Variants in NMNAT1 observed in about 807,000 individuals in gnomAD.
NMNAT1 encodes the protein nicotinamide nucleotide adenylyltransferase 1.
A neutral mutation model predicts 16.7 loss-of-function variants in NMNAT1; 11 were observed. That is an observed-to-expected ratio of 0.66 (90% confidence interval 0.41 to 1.09). NMNAT1 has a LOEUF of 1.09. Ranked by LOEUF, NMNAT1 falls within the 50% of genes least tolerant of loss-of-function variation. NMNAT1 has a pLI of 0.00. For missense variants in NMNAT1, 280 were observed against 332.3 expected, an observed-to-expected ratio of 0.84 and a Z score of 1.22; for synonymous variants, 110 against 119.8, an observed-to-expected ratio of 0.92 and a Z score of 0.53.
intron 1 of NMNAT1, among the ~76,000 whole-genome samples, chr1:9,944,538 A>G (rs1407426146): frequency 6.6e-6 from 1 of 152,172 alleles, no homozygotes; most frequent in Non-Finnish European, 1.5e-5. Context: ...GTCTTGTTAA[A>G]AAACAAGAGC....
intron 4 of NMNAT1, 152 bp downstream of exon 4, chr1:9,981,322 C>T (rs1310827077): frequency 4.0e-6 from 5 of 1,259,730 alleles, no homozygotes; most frequent in East Asian, 6.0e-5. Flanking sequence ...GCAAGCTCTG[C>T]CTCCTGGGTT....
chr1:9,980,656 CT>C (rs942565231), intron 3 of NMNAT1, among the ~76,000 whole-genome samples: 27 of 148,182 alleles, frequency 1.8e-4, no homozygotes, highest in African/African-American at 9.9e-5. Flanking sequence ...TAATGATATT[CT>C]TTTTTTTTTC....
At position 9,956,073 on chromosome 1, in the gene NMNAT1, A is replaced by G. The variant is rs555832835; in HGVS notation, c.-57+12558A>G. 6.6e-5 allele frequency among the ~76,000 whole-genome samples: 10 copies of G among 152,202 alleles called. No homozygotes were observed. In the South Asian group the frequency reaches 2.1e-3, roughly 32 times the overall value. ...TCTTGAGAACCTTGGTTCCTTTACC[A>G]TGACTGTAAATAAATGCTACAAAAT... On this transcript the variant is annotated intron_variant, in intron 1 of 4. Coordinates refer to ENST00000377205, the MANE Select transcript of NMNAT1 (RefSeq NM_022787.4).
chr1:9,953,626 A>G (rs1177023355), intron 1 of NMNAT1, among the ~76,000 whole-genome samples: 1 of 151,414 alleles, frequency 6.6e-6, no homozygotes, highest in African/African-American at 2.4e-5. Context: ...TTTTTAGTAG[A>G]GACAGAGTTT....
chr1:9,978,121 C>G (rs1641855737), intron 3 of NMNAT1, among the ~76,000 whole-genome samples: 1 of 152,162 alleles, frequency 6.6e-6, no homozygotes, highest in Admixed American at 6.5e-5. Context: ...CTTTGGGAGG[C>G]CGAGGTGGGT....
downstream of NMNAT1, chr1:9,985,647 T>TTGTGTG (rs928020941): frequency 6.6e-6 from 1 of 151,704 alleles, no homozygotes; most frequent in Non-Finnish European, 1.5e-5. Flanking sequence ...ACTTTTGTGT[T>TTGTGTG]TGTGTGTGTG....
intron 1 of NMNAT1, among the ~76,000 whole-genome samples, chr1:9,963,826 T>G (rs1391692616): frequency 1.3e-5 from 2 of 152,220 alleles, no homozygotes; most frequent in Non-Finnish European, 2.9e-5. Flanking sequence ...TGGAACATGC[T>G]AATTGCTTTT....
At chr1:9,944,366 A>C (rs1640914594) in intron 1 of NMNAT1, among the ~76,000 whole-genome samples, 1 of 152,162 alleles carries the variant, frequency 6.6e-6, no homozygotes, top group Non-Finnish European at 1.5e-5. Context: ...TGGGCAACAT[A>C]GCAAGACCCT....
At chr1:9,946,110 T>C (rs114696682) in intron 1 of NMNAT1, among the ~76,000 whole-genome samples, 111 of 152,330 alleles carry the variant, frequency 7.3e-4, no homozygotes, top group African/African-American at 2.2e-3. Flanking sequence ...TGTGTAGTTT[T>C]AGCGTGTGCA....
At chr1:9,953,369 C>G (rs1458973297) in intron 1 of NMNAT1, among the ~76,000 whole-genome samples, 3 of 151,582 alleles carry the variant, frequency 2.0e-5, no homozygotes, top group Non-Finnish European at 4.4e-5. Context: ...CTCTGCCTCC[C>G]AGGCTCAAGT....
chr1:9,961,133 G>C (rs1641396670), intron 1 of NMNAT1, among the ~76,000 whole-genome samples: 1 of 152,164 alleles, frequency 6.6e-6, no homozygotes, highest in African/African-American at 2.4e-5. Flanking sequence ...GAGAAAGACA[G>C]CTTCCTTTAT....
chr1:9,949,245 C>T (rs1395890942), intron 1 of NMNAT1, among the ~76,000 whole-genome samples: 1 of 149,450 alleles, frequency 6.7e-6, no homozygotes, highest in Non-Finnish European at 1.5e-5. Flanking sequence ...CCGGCCTGGG[C>T]AACAGACCAG....
At chr1:9,990,186 G>A (rs1465503293), downstream of NMNAT1, among the ~76,000 whole-genome samples, 2 of 152,158 alleles carry the variant, frequency 1.3e-5, no homozygotes, top group South Asian at 2.1e-4. Flanking sequence ...ATCTAAACAC[G>A]GACATCTATA....
chr1:9,991,821 A>C, the NMNAT1 span, among the ~76,000 whole-genome samples: 2 of 152,156 alleles, frequency 1.3e-5, no homozygotes, highest in African/African-American at 2.4e-5. Flanking sequence ...GGCTGTTCTG[A>C]GAAGATGGCT....
chr1:9,946,453 G>C (rs1037529185), intron 1 of NMNAT1, among the ~76,000 whole-genome samples: 2 of 152,214 alleles, frequency 1.3e-5, no homozygotes, highest in African/African-American at 4.8e-5. Flanking sequence ...GGACACTTCA[G>C]CTTGGTCTTG....
intron 1 of NMNAT1, among the ~76,000 whole-genome samples, chr1:9,963,573 C>T (rs1209830502): frequency 2.6e-5 from 4 of 151,926 alleles, no homozygotes; most frequent in South Asian, 2.1e-4. Context: ...CCACGCCCAG[C>T]GAATTTTTGT....
chr1:9,978,007 C>T (rs1432393271), intron 3 of NMNAT1, among the ~76,000 whole-genome samples: 1 of 152,078 alleles, frequency 6.6e-6, no homozygotes, highest in Non-Finnish European at 1.5e-5. Context: ...ACAGTGGACT[C>T]CAGCGTCTAG....
rs900377647 is a variant in NMNAT1, at chr1:9,983,955, G to C, written c.*1254G>C. On this transcript the variant is annotated 3_prime_UTR_variant, in exon 5 of 5. Coordinates refer to ENST00000377205, the MANE Select transcript of NMNAT1 (RefSeq NM_022787.4). ...CGTGCCTTCCTACTCAGAAGTGCCTGTGCCCTGCTCAGCTGTGACTACTGA... is the reference window on the plus strand; with the variant it reads ...CGTGCCTTCCTACTCAGAAGTGCCTCTGCCCTGCTCAGCTGTGACTACTGA... The C allele has an allele frequency of 5.9e-5, 9 of 152,160 alleles. No individual in the cohort carries two copies. The highest frequency in any genetic ancestry group is 2.2e-4 in the African/African-American group (9 of 41,422). 9.4% of individuals were successfully genotyped at this position (152,160 alleles called of 1,614,324 possible).
At chr1:9,962,120 C>A (rs796214650) in intron 1 of NMNAT1, among the ~76,000 whole-genome samples, 6 of 152,090 alleles carry the variant, frequency 3.9e-5, no homozygotes, top group African/African-American at 1.2e-4. Context: ...GCTGCTTTTC[C>A]TATCTTGTTT....
Sources: gnomAD v4.1 joint callset for allele counts (sites outside exome capture counted in the v4.1 genomes callset) on GRCh38, gnomAD v4.1.1 for gene constraint, MANE v1.5 for transcripts, NCBI Gene and HGNC (gene_info 2026-07-23, HGNC 2026-07-21) for gene names.